ZNF672: variants seen among roughly 807,000 people sequenced by gnomAD.
ZNF672 encodes zinc finger protein 672.
For missense variants in ZNF672, 733 were observed against 701.1 expected (o/e 1.05, Z -0.51); for synonymous variants, 358 against 305.6 (o/e 1.17, Z -1.79).
At position 248,845,539 on chromosome 1, in the gene ZNF672, C is replaced by G. The variant is rs184689117; in HGVS notation, c.-320-27C>G. On this transcript the variant is annotated intron_variant, in intron 2 of 3. Transcript: ENST00000306562. ...TGCTCAGTTGTAATTCACATTTTCCCTTTTACTTTATCTCTACTGGGCACA... is the reference window on the plus strand; with the variant it reads ...TGCTCAGTTGTAATTCACATTTTCCGTTTTACTTTATCTCTACTGGGCACA... 149 of 152,214 alleles carry G rather than the reference C, an allele frequency of 9.8e-4. 1 individual carries two copies. The highest frequency in any genetic ancestry group is 6.6e-3 in the East Asian group (34 of 5,182). The allele number at this position is 152,214 out of a possible 1,614,324, so 9.4% of individuals were successfully genotyped here.
intron 1 of ZNF672, chr1:248,839,210 A>T (rs756431879): frequency 6.6e-6 from 1 of 152,366 alleles, no homozygotes; most frequent in East Asian, 1.9e-4. Context: ...TGGAAGGCCC[A>T]TGCTGTGCTG....
Position 248,848,182 on chromosome 1 carries a change from G to A in ZNF672, c.908G>A (p.Arg303His). The A allele has an allele frequency of 6.3e-7, 1 of 1,598,974 alleles. No homozygotes were observed. The highest frequency in any genetic ancestry group is 1.1e-5 in the South Asian group (1 of 90,502). Residue 303 changes from arginine (R) to histidine (H), a missense_variant, in exon 4 of 4, where the codon CGC becomes CAC. Arg to His is a conservative substitution (Grantham distance 29). Transcript: ENST00000306562. ...GQRSDLVVHQ[R>H]IHTGEKPFAC... The stretch of plus-strand genomic sequence containing the variant: ...CGCTCCGACCTGGTGGTGCACCAGC[G>A]CATCCACACGGGCGAGAAGCCCTTC...
intron 3 of ZNF672, among the ~76,000 whole-genome samples, chr1:248,845,912 G>A (rs980585140): frequency 9.9e-5 from 15 of 152,204 alleles, no homozygotes; most frequent in Admixed American, 9.2e-4. Context: ...AGTCGTCAGT[G>A]CTGAGGCCAG....
Position 248,848,200 on chromosome 1 carries a change from A to G in ZNF672, c.926A>G (p.Lys309Arg). ...CACCAGCGCATCCACACGGGCGAGA[A>G]GCCCTTCGCGTGCCCCGAGTGCGGC... ...VVHQRIHTGEKPFACPECGRR... is the reference protein window; with the variant it reads ...VVHQRIHTGERPFACPECGRR... Residue 309 changes from lysine to arginine, a missense_variant, in exon 4 of 4, where the codon AAG becomes AGG. By Grantham distance (26) the Lys-to-Arg change is conservative. Coordinates refer to ENST00000306562, the MANE Select transcript of ZNF672 (RefSeq NM_024836.3). 6.2e-7 allele frequency: 1 copy of G among 1,600,808 alleles called. No homozygotes were observed. The highest frequency in any genetic ancestry group is 8.5e-7 in the Non-Finnish European group (1 of 1,177,200).
At position 248,847,162 on chromosome 1, in the gene ZNF672, C is replaced by G. The variant is rs1664774779; in HGVS notation, c.-113C>G. ...CCAGTTTTTGCGGCCTCCCCCTTTC[C>G]TCTCTGTTACAGTGCCCTTTCCAGG... On this transcript the variant is annotated 5_prime_UTR_variant, in exon 4 of 4. Coordinates refer to ENST00000306562, the MANE Select transcript of ZNF672 (RefSeq NM_024836.3). The G allele has an allele frequency of 7.1e-7, 1 of 1,404,580 alleles. No individual in the cohort carries two copies. The allele number at this position is 1,404,580 out of a possible 1,614,324, so 87.0% of individuals were successfully genotyped here.
Position 248,848,629 on chromosome 1 carries a change from C to T in ZNF672, c.1355C>T (p.Ser452Phe). 1 of 1,569,510 alleles carries T rather than the reference C, an allele frequency of 6.4e-7. No individual in the cohort carries two copies. Among genetic ancestry groups the T allele is most frequent in the South Asian group, 1.2e-5 (1 of 85,760 alleles). Reference sequence around the variant, plus strand: ...CAGGAAAAGCCAGGGTTCTCTGTGTCCTAGTTGAGGGAGGCTTGCTGAGGC... The same window carrying T: ...CAGGAAAAGCCAGGGTTCTCTGTGTTCTAGTTGAGGGAGGCTTGCTGAGGC... ...AEQEKPGFSV[S>F] The change falls in exon 4 of 4, where the codon TCC becomes TTC. Residue 452 changes from serine to phenylalanine, a missense_variant. Physicochemically the swap from Ser to Phe is radical, Grantham distance 155. Transcript: ENST00000306562.
intron 1 of ZNF672, among the ~76,000 whole-genome samples, chr1:248,841,507 C>T (rs1276835338): frequency 6.6e-6 from 1 of 152,124 alleles, no homozygotes; most frequent in African/African-American, 2.4e-5. Flanking sequence ...ATCCTGTTGC[C>T]TGTGTCTCAA....
At position 248,847,836 on chromosome 1, in the gene ZNF672, C is replaced by G; in HGVS notation, c.562C>G (p.Arg188Gly). ...LRSHARIHVS[R>G]SPTRPRVSDA... ...GAGTCACGCGCGCATCCACGTGTCC[C>G]GGAGCCCCACGCGACCCCGTGTCTC... Residue 188 changes from arginine to glycine, a missense_variant, in exon 4 of 4, where the codon CGG (arginine) becomes GGG (glycine). By Grantham distance (125) the Arg-to-Gly change is moderately radical (BLOSUM62 -2). Coordinates refer to ENST00000306562, the MANE Select transcript of ZNF672 (RefSeq NM_024836.3). The G allele has an allele frequency of 6.4e-7, 1 of 1,570,808 alleles. No individual in the cohort carries two copies. The highest frequency in any genetic ancestry group is 8.6e-7 in the Non-Finnish European group (1 of 1,162,642).
At position 248,848,318 on chromosome 1, in the gene ZNF672, C is replaced by A. The variant is rs1247492280; in HGVS notation, c.1044C>A (p.Phe348Leu). The A allele has an allele frequency of 6.2e-7, 1 of 1,602,094 alleles. No homozygotes were observed. Among genetic ancestry groups the A allele is most frequent in the Non-Finnish European group, 8.5e-7 (1 of 1,179,736 alleles). The change falls in exon 4 of 4, where the codon TTC becomes TTA. Residue 348 changes from phenylalanine to leucine, a missense_variant. Transcript: ENST00000306562. ...GCTGCGAACTGTGCGGCAAGCGGTTCACGTGCGTGTCCAATCTCAACGTGC... is the reference window on the plus strand; with the variant it reads ...GCTGCGAACTGTGCGGCAAGCGGTTAACGTGCGTGTCCAATCTCAACGTGC... ...PYRCELCGKR[F>L]TCVSNLNVHR...
In ZNF672 at chr1:248,848,525, C is replaced by T. The variant is rs1422663523; in HGVS notation, c.1251C>T (p.His417=). Reference sequence around the variant, plus strand: ...CGCTGTCACAGCATCAGCGGGCCCACACGCGCGCCCGCACCGCTGCCGCCG... The same window carrying T: ...CGCTGTCACAGCATCAGCGGGCCCATACGCGCGCCCGCACCGCTGCCGCCG... The part of the protein sequence containing the change: ...SRSLSQHQRA[H]TRARTAAAVA... The change falls in exon 4 of 4, where the codon CAC becomes CAT. Residue 417 remains histidine (H), a synonymous_variant. Coordinates refer to ENST00000306562, the MANE Select transcript of ZNF672 (RefSeq NM_024836.3). 3 of 1,598,616 alleles carry T rather than the reference C, an allele frequency of 1.9e-6. No individual in the cohort carries two copies. Among genetic ancestry groups the T allele is most frequent in the Non-Finnish European group, 2.6e-6 (3 of 1,172,374 alleles).
At chr1:248,838,682 G>A (rs1572194321) in intron 1 of ZNF672, 131 bp downstream of exon 1, 1 of 152,486 alleles carries the variant, frequency 6.6e-6, no homozygotes, top group African/African-American at 2.4e-5. Context: ...CGGGCTGCGA[G>A]TGACGCGGGG....
At position 248,838,493 on chromosome 1, in the gene ZNF672, G is replaced by A. The variant is rs1477207729; in HGVS notation, c.-533G>A. On this transcript the variant is annotated 5_prime_UTR_variant, in exon 1 of 4. Transcript: ENST00000306562. ...CCCCAGTCCCGCAGTCCGGGAGGCGGGGGTCGGCAGCCGGCTGAGTGGGAA... is the reference window on the plus strand; with the variant it reads ...CCCCAGTCCCGCAGTCCGGGAGGCGAGGGTCGGCAGCCGGCTGAGTGGGAA... The A allele has an allele frequency of 1.3e-5, 2 of 152,302 alleles. No homozygotes were observed. Among genetic ancestry groups the A allele is most frequent in the Non-Finnish European group, 2.9e-5 (2 of 68,090 alleles). 9.4% of individuals were successfully genotyped at this position (152,302 alleles called of 1,614,324 possible).
chr1:248,847,749 G>GCTGCC lies in ZNF672; in HGVS notation c.477_481dup (p.Pro161LeufsTer56). ...CCCCTTGGGGACAACCTCTGACCCT[G>GCTGCC]CTGCCCCACCCCACCGCTGCGCGCA... On this transcript the variant is annotated frameshift_variant, in exon 4 of 4. Transcript: ENST00000306562. LOFTEE classifies it low-confidence loss of function (END_TRUNC). 1 of 1,483,646 alleles carries GCTGCC rather than the reference G, an allele frequency of 6.7e-7. No individual in the cohort carries two copies. The highest frequency in any genetic ancestry group is 1.3e-5 in the South Asian group (1 of 76,648). 91.9% of individuals were successfully genotyped at this position (1,483,646 alleles called of 1,614,324 possible).
chr1:248,847,626 C>T lies in ZNF672; in HGVS notation c.352C>T (p.Arg118Trp), dbSNP rs1362754170. ...FPHLPALLLHRRRQHLPERPR... is the reference protein window; with the variant it reads ...FPHLPALLLHWRRQHLPERPR... ...GCACCTCCCGGCGCTGCTGCTACAC[C>T]GGCGCCGCCAGCATCTGCCAGAGCG... Residue 118 changes from arginine to tryptophan, a missense_variant, in exon 4 of 4, where the codon CGG becomes TGG. Physicochemically the swap from Arg to Trp is moderately radical, Grantham distance 101 (BLOSUM62 -3). Transcript: ENST00000306562. 2.6e-6 allele frequency: 4 copies of T among 1,520,694 alleles called. No homozygotes were observed. The highest frequency in any genetic ancestry group is 1.4e-5 in the African/African-American group (1 of 72,388). The allele number at this position is 1,520,694 out of a possible 1,614,324, so 94.2% of individuals were successfully genotyped here. A position where few individuals can be genotyped will look rare whatever the true frequency, so the allele number is the denominator to read the frequency against.
intron 3 of ZNF672, among the ~76,000 whole-genome samples, chr1:248,846,021 G>A (rs1664755514): frequency 6.6e-6 from 1 of 152,230 alleles, no homozygotes; most frequent in South Asian, 2.1e-4. Flanking sequence ...GCTGCCCGGA[G>A]CAACCTGTCA....
chr1:248,847,746 C>G lies in ZNF672; in HGVS notation c.472C>G (p.Pro158Ala), dbSNP rs1467947173. ...GCACCCCTTGGGGACAACCTCTGAC[C>G]CTGCTGCCCCACCCCACCGCTGCGC... The part of the protein sequence containing the change: ...RAHPLGTTSD[P>A]AAPPHRCAQC... Residue 158 changes from proline (P) to alanine (A), a missense_variant, in exon 4 of 4, where the codon CCT becomes GCT. Coordinates refer to ENST00000306562, the MANE Select transcript of ZNF672 (RefSeq NM_024836.3). The G allele has an allele frequency of 8.8e-6, 13 of 1,481,194 alleles. 1 individual carries two copies. In the Middle Eastern group the frequency reaches 7.1e-4, roughly 81 times the overall value. 91.8% of individuals were successfully genotyped at this position (1,481,194 alleles called of 1,614,324 possible).
rs532079498 is a variant in ZNF672 at position 248,840,018 on chromosome 1, C to T, written c.-475+1467C>T. Among the ~76,000 whole-genome samples, 22 of 151,818 alleles carry T rather than the reference C, an allele frequency of 1.4e-4. No individual in the cohort carries two copies. In the South Asian group the frequency reaches 4.6e-3, roughly 32 times the overall value. Reference sequence around the variant, plus strand: ...CCTCCCAAAGTGCTGGGATTACAGACGTGAGCCACCATGCCCGGCAAGATT... The same window carrying T: ...CCTCCCAAAGTGCTGGGATTACAGATGTGAGCCACCATGCCCGGCAAGATT... On this transcript the variant is annotated intron_variant, in intron 1 of 3. Transcript: ENST00000306562.
rs1024460842 is a variant in ZNF672, at chr1:248,847,157, C to T, written c.-118C>T. On this transcript the variant is annotated 5_prime_UTR_variant, in exon 4 of 4. Transcript: ENST00000306562. The stretch of plus-strand genomic sequence containing the variant: ...TCAGACCAGTTTTTGCGGCCTCCCC[C>T]TTTCCTCTCTGTTACAGTGCCCTTT... 2.9e-6 allele frequency: 4 copies of T among 1,385,972 alleles called. No homozygotes were observed. Among genetic ancestry groups the T allele is most frequent in the Non-Finnish European group, 3.8e-6 (4 of 1,040,414 alleles). The allele number at this position is 1,385,972 out of a possible 1,614,324, so 85.9% of individuals were successfully genotyped here. A position where few individuals can be genotyped will look rare whatever the true frequency, so the allele number is the denominator to read the frequency against.
At chr1:248,840,633 G>A (rs1411809190) in intron 1 of ZNF672, among the ~76,000 whole-genome samples, 35 of 152,198 alleles carry the variant, frequency 2.3e-4, no homozygotes, top group Non-Finnish European at 4.4e-5. Flanking sequence ...TGCTGTGGAG[G>A]ATATGATGAC....
Sources: allele counts gnomAD v4.1 joint callset (sites outside exome capture counted in the v4.1 genomes callset), GRCh38; gene constraint gnomAD v4.1.1; transcripts MANE v1.5; gene names NCBI Gene and HGNC (gene_info 2026-07-23, HGNC 2026-07-21).